Variants in SNX5 observed in about 807,000 individuals in gnomAD.
SNX5 encodes the protein sorting nexin-5.
SNX5 carries 31 observed loss-of-function variants against 53.9 expected under a neutral mutation model. The ratio of observed to expected loss-of-function variants is 0.58; its 90% CI spans 0.43 to 0.78. The LOEUF (loss-of-function observed/expected upper bound fraction) is 0.78. Among genes scored for constraint, SNX5 ranks in the 30% least tolerant of loss-of-function variants. SNX5 has a pLI of 0.00. For synonymous variants in SNX5, 168 were observed against 171.1 expected (o/e 0.98, Z 0.14); for missense variants, 471 against 478.8 (o/e 0.98, Z 0.15).
At chr20:17,953,688 A>C (rs566932418) in intron 4 of SNX5, among the ~76,000 whole-genome samples, 2 of 152,326 alleles carry the variant, frequency 1.3e-5, no homozygotes, top group Admixed American at 1.3e-4. Flanking sequence ...CAATTTATAA[A>C]GGCACAAAAG....
intron 6 of SNX5, chr20:17,951,197 T>A: frequency 3.6e-6 from 1 of 278,824 alleles, no homozygotes; most frequent in South Asian, 5.2e-5. Flanking sequence ...GTTCTGAGAG[T>A]GGGATAAAAT....
chr20:17,968,140 C>G, intron 1 of SNX5: 1 of 400,952 alleles, frequency 2.5e-6, no homozygotes, highest in Non-Finnish European at 4.4e-6. Flanking sequence ...TGAGCTGGGG[C>G]TAAGGTCCCG....
chr20:17,966,838 C>T (rs566164861), intron 1 of SNX5, among the ~76,000 whole-genome samples: 1 of 152,326 alleles, frequency 6.6e-6, no homozygotes, highest in East Asian at 1.9e-4. Flanking sequence ...CCCAAACTCC[C>T]TTTCAGTTAA....
At chr20:17,954,164 G>A in intron 3 of SNX5, 47 bp from the exon 4 acceptor site, 1 of 1,605,798 alleles carries the variant, frequency 6.2e-7, no homozygotes, top group Non-Finnish European at 8.5e-7. Flanking sequence ...CAGCAGCGAT[G>A]TTTTCTAGTT....
intron 10 of SNX5, among the ~76,000 whole-genome samples, chr20:17,948,367 G>C (rs1283814753): frequency 6.6e-6 from 1 of 152,252 alleles, no homozygotes; most frequent in Admixed American, 6.5e-5. Flanking sequence ...AAAATTGCAT[G>C]ATGGGGGGAA....
At chr20:17,944,326 C>T (rs1288758078) in intron 11 of SNX5, 1 of 152,022 alleles carries the variant, frequency 6.6e-6, no homozygotes, top group Non-Finnish European at 1.5e-5. Flanking sequence ...AATGTATTAC[C>T]ACTGAAAAAA....
At chr20:17,946,225 CAT>C (rs1180539178) in intron 11 of SNX5, among the ~76,000 whole-genome samples, 2 of 152,186 alleles carry the variant, frequency 1.3e-5, no homozygotes, top group African/African-American at 2.4e-5. Flanking sequence ...TGTGCAACGG[CAT>C]ATGTGTGCAC....
chr20:17,953,993 T>TA lies in SNX5; in HGVS notation c.389+2dup. 6.2e-7 allele frequency: 1 copy of TA among 1,612,932 alleles called. No homozygotes were observed. On this transcript the variant is annotated splice_region_variant and intron_variant, in intron 4 of 12. Transcript: ENST00000377759. ...ACAGAGCCCACCAGGAAAATCCACTTACGCTTCCAGTTCTTGTTTCATCTT... is the reference window on the plus strand; with the variant it reads ...ACAGAGCCCACCAGGAAAATCCACTTAACGCTTCCAGTTCTTGTTTCATCTT...
In SNX5 at chr20:17,948,881, T is replaced by C. The variant is rs765604807; in HGVS notation, c.918+9A>G. ...ACTGCTCTGAGAAGCTGAGCAACTC[T>C]CTTCCTACCTTAGCAGCTTCAATGT... is the stretch of plus-strand genomic sequence containing the variant. On this transcript the variant is annotated intron_variant, in intron 10 of 12. Coordinates refer to ENST00000377759, the MANE Select transcript of SNX5 (RefSeq NM_014426.4). 1 of 1,610,238 alleles carries C rather than the reference T, an allele frequency of 6.2e-7. No individual in the cohort carries two copies. The highest frequency in any genetic ancestry group is 8.5e-7 in the Non-Finnish European group (1 of 1,178,330).
In SNX5 at chr20:17,965,095, A is replaced by G. The variant is rs111864977; in HGVS notation, c.51+3280T>C. ...TAGAAAACCTGAAAAATTCGCAACAAGCACACAAAGACTAGCTTCTGTAAC... is the reference window on the plus strand; with the variant it reads ...TAGAAAACCTGAAAAATTCGCAACAGGCACACAAAGACTAGCTTCTGTAAC... On this transcript the variant is annotated intron_variant, in intron 1 of 12. Coordinates refer to ENST00000377759, the MANE Select transcript of SNX5 (RefSeq NM_014426.4). Among the ~76,000 whole-genome samples the G allele has an allele frequency of 5.3e-3, 812 of 152,346 alleles. 6 individuals carry two copies. The highest frequency in any genetic ancestry group is 0.019 in the African/African-American group (774 of 41,572).
At chr20:17,951,887 G>A (rs2039574287) in intron 5 of SNX5, among the ~76,000 whole-genome samples, 1 of 152,158 alleles carries the variant, frequency 6.6e-6, no homozygotes, top group Admixed American at 6.5e-5. Flanking sequence ...TCCATATTAA[G>A]TAGCAAAAAC....
chr20:17,943,004 T>C lies in SNX5; in HGVS notation c.1164+106A>G, dbSNP rs77139564. The C allele has an allele frequency of 3.5e-3, 2,649 of 750,556 alleles. 17 individuals are homozygous for C. The highest frequency in any genetic ancestry group is 6.9e-3 in the South Asian group (432 of 62,174). 46.5% of individuals were successfully genotyped at this position (750,556 alleles called of 1,614,324 possible). A position where few individuals can be genotyped will look rare whatever the true frequency, so the allele number is the denominator to read the frequency against. The stretch of plus-strand genomic sequence containing the variant: ...TCAACTAAGTACTACAGACGATTAA[T>C]ACCACAAGGCCACCCCAACTGCCTG... On this transcript the variant is annotated intron_variant, in intron 12 of 12. Coordinates refer to ENST00000377759, the MANE Select transcript of SNX5 (RefSeq NM_014426.4).
intron 11 of SNX5, among the ~76,000 whole-genome samples, chr20:17,945,932 T>C (rs1161549606): frequency 6.6e-6 from 1 of 152,176 alleles, no homozygotes; most frequent in Non-Finnish European, 1.5e-5. Flanking sequence ...GAATTTTTCA[T>C]GGAAACACGC....
intron 1 of SNX5, chr20:17,961,383 A>T: frequency 1.1e-5 from 11 of 985,450 alleles, no homozygotes; most frequent in Non-Finnish European, 1.3e-5. Flanking sequence ...AGAACAGAAA[A>T]AATACAGTTT....
chr20:17,961,627 A>G lies in SNX5; in HGVS notation c.52-4590T>C, dbSNP rs932701171. ...ACTACAGATAGGATAAAAAAGACAC[A>G]TATCTATTTAAATGACTTCCTAGTT... is the stretch of plus-strand genomic sequence containing the variant. On this transcript the variant is annotated intron_variant, in intron 1 of 12. Transcript: ENST00000377759. 2.1e-5 allele frequency: 21 copies of G among 984,010 alleles called. No individual in the cohort carries two copies. In the East Asian group the frequency reaches 3.4e-4, roughly 16 times the overall value. 61.0% of individuals were successfully genotyped at this position (984,010 alleles called of 1,614,324 possible). A position where few individuals can be genotyped will look rare whatever the true frequency, so the allele number is the denominator to read the frequency against.
At chr20:17,966,014 G>C (rs954837761) in intron 1 of SNX5, among the ~76,000 whole-genome samples, 4 of 152,052 alleles carry the variant, frequency 2.6e-5, no homozygotes, top group Non-Finnish European at 5.9e-5. Context: ...AGTTAAACAC[G>C]AAACCAGAGC....
intron 1 of SNX5, among the ~76,000 whole-genome samples, chr20:17,957,713 A>G (rs1310446194): frequency 6.6e-6 from 1 of 152,262 alleles, no homozygotes; most frequent in Non-Finnish European, 1.5e-5. Flanking sequence ...TAACCAGGCC[A>G]CACAAATATC....
At chr20:17,958,002 C>CA (rs59621613) in intron 1 of SNX5, among the ~76,000 whole-genome samples, 1,298 of 107,804 alleles carry the variant, frequency 0.012, 9 homozygotes, top group Non-Finnish European at 0.015. Flanking sequence ...TTCTGCCCGT[C>CA]AAAAAAAAAA....
chr20:17,946,905 C>A (rs992787543), intron 11 of SNX5, among the ~76,000 whole-genome samples: 1 of 152,142 alleles, frequency 6.6e-6, no homozygotes, highest in African/African-American at 2.4e-5. Flanking sequence ...AGAAGTGACA[C>A]CCCAATAAGG....
Sources: gnomAD v4.1 joint callset for allele counts (sites outside exome capture counted in the v4.1 genomes callset) on GRCh38, gnomAD v4.1.1 for gene constraint, MANE v1.5 for transcripts, NCBI Gene and HGNC (gene_info 2026-07-23, HGNC 2026-07-21) for gene names.